The following ESF1 variants were observed in gnomAD, a reference collection of about 807,000 sequenced individuals.
ESF1 encodes ESF1 homolog.
A neutral mutation model predicts 92.0 loss-of-function variants in ESF1; 58 were observed. That is an observed-to-expected ratio of 0.63 (90% CI 0.51 to 0.78). The LOEUF (loss-of-function observed/expected upper bound fraction) is 0.78. Ranked by LOEUF, ESF1 falls within the 30% of genes least tolerant of loss-of-function variation. ESF1 has a pLI of 0.00. For synonymous variants in ESF1, 321 were observed against 313.7 expected, an observed-to-expected ratio of 1.02 and a Z score of -0.24; for missense variants, 922 against 989.1, an observed-to-expected ratio of 0.93 and a Z score of 0.91.
rs973077106 is a variant in ESF1, at chr20:13,784,892, T to C, written c.-56A>G. The C allele has an allele frequency of 3.2e-5, 20 of 626,970 alleles. No homozygotes were observed. Among genetic ancestry groups the C allele is most frequent in the Non-Finnish European group, 5.6e-5 (20 of 357,872 alleles). The allele number at this position is 626,970 out of a possible 1,614,324, so 38.8% of individuals were successfully genotyped here. A position where few individuals can be genotyped will look rare whatever the true frequency, so the allele number is the denominator to read the frequency against. ...CATCCCCACTCACCGTCCGCAGTCC[T>C]ACCAAGCCTCACGTGGGGCTCACAC... On this transcript the variant is annotated 5_prime_UTR_variant, in exon 1 of 14. Coordinates refer to ENST00000617257, the MANE Select transcript of ESF1 (RefSeq NM_001276380.2).
intron 9 of ESF1, among the ~76,000 whole-genome samples, chr20:13,755,534 A>G (rs1978854025): frequency 6.6e-6 from 1 of 152,184 alleles, no homozygotes; most frequent in Non-Finnish European, 1.5e-5. Context: ...TATATGCATC[A>G]CCTTATCTAC....
At chr20:13,716,066 C>A (rs1171602853) in intron 13 of ESF1, among the ~76,000 whole-genome samples, 1 of 152,208 alleles carries the variant, frequency 6.6e-6, no homozygotes, top group African/African-American at 2.4e-5. Context: ...ACAGAAGCTA[C>A]AGAGTAGCCC....
intron 9 of ESF1, among the ~76,000 whole-genome samples, chr20:13,744,524 T>C (rs975981188): frequency 6.6e-6 from 1 of 152,214 alleles, no homozygotes; most frequent in Non-Finnish European, 1.5e-5. Context: ...CCCAGAGATG[T>C]AGAAAACCCT....
chr20:13,766,738 A>C, intron 8 of ESF1, 39 bp downstream of exon 8: 1 of 1,603,346 alleles, frequency 6.2e-7, no homozygotes, highest in South Asian at 1.1e-5. Flanking sequence ...ACTGCCAAAG[A>C]CCTATGTCCA....
Position 13,715,059 on chromosome 20 carries a change from C to T in ESF1, c.2371G>A (p.Glu791Lys), listed in dbSNP as rs773024021. ...CGTTCTCTTTGCCGGGCCTTCTCCTCAAGGATTTTTTCCATAGCTTTTGTT... is the reference window on the plus strand; with the variant it reads ...CGTTCTCTTTGCCGGGCCTTCTCCTTAAGGATTTTTTCCATAGCTTTTGTT... ...KKTKAMEKIL[E>K]EKARQRERKE... The change falls in exon 14 of 14, where the codon GAG (glutamate) becomes AAG (lysine). Residue 791 changes from glutamate (E) to lysine (K), a missense_variant. Physicochemically the swap from Glu to Lys is moderately conservative, Grantham distance 56. Coordinates refer to ENST00000617257, the MANE Select transcript of ESF1 (RefSeq NM_001276380.2). 1.9e-6 allele frequency: 3 copies of T among 1,613,704 alleles called. No homozygotes were observed. Among genetic ancestry groups the T allele is most frequent in the Non-Finnish European group, 2.5e-6 (3 of 1,179,968 alleles).
intron 8 of ESF1, among the ~76,000 whole-genome samples, chr20:13,764,877 C>A (rs1450602867): frequency 1.3e-5 from 2 of 151,072 alleles, no homozygotes; most frequent in African/African-American, 4.9e-5. Context: ...GTTCAAGAGT[C>A]ATCAAGAGTC....
chr20:13,732,290 G>A (rs2049948289), intron 10 of ESF1, among the ~76,000 whole-genome samples: 1 of 152,172 alleles, frequency 6.6e-6, no homozygotes, highest in Admixed American at 6.5e-5. Context: ...GGTCACAGAA[G>A]TCTTCTTCTG....
rs78391603 is a variant in ESF1, at chr20:13,772,819, G to T, written c.1150-204C>A. On this transcript the variant is annotated intron_variant, in intron 4 of 13. Transcript: ENST00000617257. ...GATCACTTTGGCTAGAGACTAACAAGATACGAGGCTTGGAAACAAAAATAA... is the reference window on the plus strand; with the variant it reads ...GATCACTTTGGCTAGAGACTAACAATATACGAGGCTTGGAAACAAAAATAA... Among the ~76,000 whole-genome samples, 929 of 152,128 alleles carry T rather than the reference G, an allele frequency of 6.1e-3. 5 individuals are homozygous for T. The highest frequency in any genetic ancestry group is 0.021 in the African/African-American group (878 of 41,508).
intron 11 of ESF1, among the ~76,000 whole-genome samples, chr20:13,726,388 C>T (rs75384014): frequency 3.3e-5 from 5 of 152,236 alleles, no homozygotes; most frequent in African/African-American, 4.8e-5. Flanking sequence ...TTCTTAACAC[C>T]ACACAGTGCA....
At chr20:13,780,149 G>C (rs574100244) in intron 2 of ESF1, among the ~76,000 whole-genome samples, 10 of 152,162 alleles carry the variant, frequency 6.6e-5, no homozygotes, top group Non-Finnish European at 1.2e-4. Context: ...AATGTGGTGG[G>C]GTAGAAGGAG....
intron 11 of ESF1, among the ~76,000 whole-genome samples, chr20:13,725,935 T>G: frequency 6.6e-6 from 1 of 152,194 alleles, no homozygotes; most frequent in East Asian, 1.9e-4. Context: ...TGTTTCCACA[T>G]TTCTTCCTCA....
At chr20:13,731,313 T>C (rs990743183) in intron 10 of ESF1, among the ~76,000 whole-genome samples, 6 of 151,928 alleles carry the variant, frequency 3.9e-5, no homozygotes, top group African/African-American at 1.5e-4. Context: ...GGGAGGATCA[T>C]GAGGTCAGGA....
chr20:13,763,036 T>A (rs965157505), intron 8 of ESF1, among the ~76,000 whole-genome samples: 4 of 151,986 alleles, frequency 2.6e-5, no homozygotes, highest in Non-Finnish European at 5.9e-5. Flanking sequence ...AATTTTTTTG[T>A]GTTTTTAGTA....
At chr20:13,774,185 T>C (rs1018562122) in intron 4 of ESF1, among the ~76,000 whole-genome samples, 5 of 152,196 alleles carry the variant, frequency 3.3e-5, no homozygotes, top group Non-Finnish European at 5.9e-5. Flanking sequence ...TGACTTGAAC[T>C]GGGATTTTGA....
At position 13,775,998 on chromosome 20, in the gene ESF1, T is replaced by G; in HGVS notation, c.910A>C (p.Arg304=). The part of the protein sequence containing the change: ...DKSDSGPDLA[R]GKGNIETSSE... ...CTAGTTTCTATATTTCCTTTACCCCTTGCAAGATCAGGGCCACTGTCACTT... is the reference window on the plus strand; with the variant it reads ...CTAGTTTCTATATTTCCTTTACCCCGTGCAAGATCAGGGCCACTGTCACTT... The change falls in exon 3 of 14, where the codon AGG becomes CGG. Residue 304 remains arginine (R), a synonymous_variant. Coordinates refer to ENST00000617257, the MANE Select transcript of ESF1 (RefSeq NM_001276380.2). 1 of 1,613,938 alleles carries G rather than the reference T, an allele frequency of 6.2e-7. No individual in the cohort carries two copies.
chr20:13,717,893 T>A (rs2049840831), intron 12 of ESF1, among the ~76,000 whole-genome samples: 1 of 152,212 alleles, frequency 6.6e-6, no homozygotes, highest in East Asian at 1.9e-4. Context: ...AGCAAATGTT[T>A]ATTTTGTGAT....
intron 5 of ESF1, 53 bp from the exon 6 acceptor site, chr20:13,771,536 C>A: frequency 1.4e-6 from 2 of 1,437,364 alleles, no homozygotes; most frequent in Non-Finnish European, 1.9e-6. Context: ...CAAAAATTTC[C>A]CTTTAAAAAA....
intron 2 of ESF1, among the ~76,000 whole-genome samples, chr20:13,779,798 G>A (rs979248069): frequency 6.6e-6 from 1 of 152,180 alleles, no homozygotes; most frequent in Non-Finnish European, 1.5e-5. Context: ...GTCTCCCAAA[G>A]TGCTGGGATT....
Position 13,775,293 on chromosome 20 carries a change from T to C in ESF1, c.1036-23A>G, listed in dbSNP as rs377676494. 36 of 1,396,246 alleles carry C rather than the reference T, an allele frequency of 2.6e-5. No homozygotes were observed. The African/African-American group carries it at 5.0e-4, about 19-fold the overall frequency. The allele number at this position is 1,396,246 out of a possible 1,614,324, so 86.5% of individuals were successfully genotyped here. A position where few individuals can be genotyped will look rare whatever the true frequency, so the allele number is the denominator to read the frequency against. On this transcript the variant is annotated intron_variant, in intron 3 of 13. Transcript: ENST00000617257. ...AATCTGAGAAATGAGAAGAATTAAATAGTACATAATCCATATCATTCTCAA... is the reference window on the plus strand; with the variant it reads ...AATCTGAGAAATGAGAAGAATTAAACAGTACATAATCCATATCATTCTCAA...
Sources: gnomAD v4.1 joint callset for allele counts (sites outside exome capture counted in the v4.1 genomes callset) on GRCh38, gnomAD v4.1.1 for gene constraint, MANE v1.5 for transcripts, NCBI Gene and HGNC (gene_info 2026-07-23, HGNC 2026-07-21) for gene names.